The following NTRK2 variants were observed in gnomAD, a reference collection of about 807,000 sequenced individuals.
The protein encoded by NTRK2 is neurotrophic receptor tyrosine kinase 2, also known as BDNF/NT-3 growth factors receptor.
A neutral mutation model predicts 94.5 loss-of-function variants in NTRK2; 13 were observed. That is an observed-to-expected ratio of 0.14 (90% confidence interval 0.09 to 0.22). NTRK2 has a LOEUF of 0.22. Among genes scored for constraint, NTRK2 ranks in the 10% least tolerant of loss-of-function variants. The pLI is 1.00. For synonymous variants in NTRK2, 372 were observed against 407.4 expected, an observed-to-expected ratio of 0.91 and a Z score of 1.05; for missense variants, 639 against 1,071.2, an observed-to-expected ratio of 0.60 and a Z score of 5.63.
chr9:85,017,569 T>G (rs1832369596), intron 17 of NTRK2, among the ~76,000 whole-genome samples: 1 of 152,236 alleles, frequency 6.6e-6, no homozygotes, highest in Non-Finnish European at 1.5e-5. Flanking sequence ...TACATTCAAA[T>G]AGTTTAATTT....
chr9:84,747,386 A>T (rs946201441), intron 11 of NTRK2, among the ~76,000 whole-genome samples: 2 of 152,134 alleles, frequency 1.3e-5, no homozygotes, highest in Non-Finnish European at 2.9e-5. Context: ...TTCTTGGTGT[A>T]AGAAAGTTGT....
intron 17 of NTRK2, among the ~76,000 whole-genome samples, chr9:84,973,732 CAGCGTTCATCAGATCAG>C (rs1826461005): frequency 6.6e-6 from 1 of 152,176 alleles, no homozygotes. Flanking sequence ...GAAATGAGGA[CAGCGTTCATCAGATCAG>C]ATGATTTCTA....
chr9:84,794,535 C>T (rs1006436347), intron 12 of NTRK2, among the ~76,000 whole-genome samples: 6 of 152,140 alleles, frequency 3.9e-5, no homozygotes, highest in East Asian at 1.9e-4. Context: ...ATCATCTCAG[C>T]GGTTTTCTCA....
At chr9:84,886,547 G>GTCTT (rs1198209467) in intron 14 of NTRK2, among the ~76,000 whole-genome samples, 2 of 152,222 alleles carry the variant, frequency 1.3e-5, no homozygotes, top group African/African-American at 2.4e-5. Context: ...TTTCAGATGA[G>GTCTT]TCTTTGTCTT....
chr9:85,025,448 C>T lies in NTRK2; in HGVS notation c.*4011C>T, dbSNP rs2291505. 0.017 allele frequency: 4,065 copies of T among 233,148 alleles called. 76 individuals carry two copies. The highest frequency in any genetic ancestry group is 0.053 in the East Asian group (878 of 16,578). The allele number at this position is 233,148 out of a possible 1,614,324, so 14.4% of individuals were successfully genotyped here. A position where few individuals can be genotyped will look rare whatever the true frequency, so the allele number is the denominator to read the frequency against. ...TGATGAGCAGTCCAAGACCCCACAG[C>T]GAGATGAGCAACTCTTAGGAATTCC... On this transcript the variant is annotated 3_prime_UTR_variant, in exon 19 of 19. Coordinates refer to ENST00000277120, the MANE Select transcript of NTRK2 (RefSeq NM_006180.6).
At chr9:84,898,657 T>G (rs956375089) in intron 14 of NTRK2, among the ~76,000 whole-genome samples, 2 of 152,078 alleles carry the variant, frequency 1.3e-5, no homozygotes, top group African/African-American at 4.8e-5. Flanking sequence ...AAGCTGAACC[T>G]TGGGAAGACC....
chr9:84,868,261 A>G (rs900821293), intron 14 of NTRK2, among the ~76,000 whole-genome samples: 3 of 152,194 alleles, frequency 2.0e-5, no homozygotes, highest in Non-Finnish European at 4.4e-5. Context: ...GGTATCATGC[A>G]TGTTCCTATC....
intron 12 of NTRK2, among the ~76,000 whole-genome samples, chr9:84,838,273 C>A (rs2131746495): frequency 6.6e-6 from 1 of 151,884 alleles, no homozygotes; most frequent in South Asian, 2.1e-4. Context: ...GTTATGTGGA[C>A]AAGATTGTTA....
chr9:84,900,860 T>C (rs1587870943), intron 14 of NTRK2, among the ~76,000 whole-genome samples: 1 of 152,276 alleles, frequency 6.6e-6, no homozygotes, highest in East Asian at 1.9e-4. Context: ...GCTAAACCCA[T>C]CTATCAATTT....
intron 12 of NTRK2, among the ~76,000 whole-genome samples, chr9:84,843,966 A>G (rs2074327765): frequency 6.6e-6 from 1 of 152,200 alleles, no homozygotes; most frequent in Admixed American, 6.5e-5. Context: ...CAAGACATAG[A>G]GGCAAGACAC....
chr9:84,783,546 T>C (rs1054200613), intron 12 of NTRK2, among the ~76,000 whole-genome samples: 3 of 152,076 alleles, frequency 2.0e-5, no homozygotes, highest in Non-Finnish European at 2.9e-5. Flanking sequence ...GGAGGGAAAA[T>C]GTGAAGTCAG....
At chr9:84,682,296 G>A (rs575609123) in intron 2 of NTRK2, among the ~76,000 whole-genome samples, 1 of 152,266 alleles carries the variant, frequency 6.6e-6, no homozygotes, top group South Asian at 2.1e-4. Context: ...TCTCTGAAAT[G>A]CATTAACTTT....
intron 12 of NTRK2, among the ~76,000 whole-genome samples, chr9:84,816,009 T>G (rs943183106): frequency 1.7e-4 from 26 of 150,080 alleles, no homozygotes; most frequent in African/African-American, 6.1e-4. Context: ...AAAAAAAAAC[T>G]TATGCGAATT....
chr9:84,934,384 A>C, intron 15 of NTRK2, 92 bp downstream of exon 15: 1 of 1,376,952 alleles, frequency 7.3e-7, no homozygotes, highest in Non-Finnish European at 1.0e-6. Flanking sequence ...TGGCCAATGC[A>C]GGAGTAAATT....
At position 85,020,191 on chromosome 9, in the gene NTRK2, T is replaced by A. The variant is rs1332473987; in HGVS notation, c.2173-15T>A. The A allele has an allele frequency of 6.2e-7, 1 of 1,613,792 alleles. No homozygotes were observed. Among genetic ancestry groups the A allele is most frequent in the Admixed American group, 1.7e-5 (1 of 59,986 alleles). ...GGGGTGACTGATGCCTCCCTGTTGA[T>A]CCCTTTCTCCCCAGGTCGGTGGCCA... is the stretch of plus-strand genomic sequence containing the variant. On this transcript the variant is annotated splice_polypyrimidine_tract_variant and intron_variant, in intron 17 of 18. Coordinates refer to ENST00000277120, the MANE Select transcript of NTRK2 (RefSeq NM_006180.6).
intron 17 of NTRK2, among the ~76,000 whole-genome samples, chr9:84,960,835 ACAT>A (rs1462490383): frequency 6.6e-6 from 1 of 152,222 alleles, no homozygotes; most frequent in Non-Finnish European, 1.5e-5. Context: ...TAAGTCTTAC[ACAT>A]CTTTGTTTCT....
At chr9:84,734,546 C>A (rs1245744047) in intron 9 of NTRK2, among the ~76,000 whole-genome samples, 1 of 152,202 alleles carries the variant, frequency 6.6e-6, no homozygotes, top group African/African-American at 2.4e-5. Flanking sequence ...TGAATTGTAG[C>A]TCCCATGATT....
chr9:84,952,570 C>T (rs1463560635), intron 16 of NTRK2, among the ~76,000 whole-genome samples: 1 of 152,206 alleles, frequency 6.6e-6, no homozygotes, highest in African/African-American at 2.4e-5. Flanking sequence ...ACCGTTATTT[C>T]TGTTCCTCTT....
At position 85,026,247 on chromosome 9, in the gene NTRK2, G is replaced by T. The variant is rs750261900; in HGVS notation, c.*4810G>T. On this transcript the variant is annotated 3_prime_UTR_variant, in exon 19 of 19. Transcript: ENST00000277120. ...CATCTTAACATACATCTCAGGAGACGAAATGAGAAAAGATGGGGATGTCAT... is the reference window on the plus strand; with the variant it reads ...CATCTTAACATACATCTCAGGAGACTAAATGAGAAAAGATGGGGATGTCAT... 2.2e-5 allele frequency: 5 copies of T among 230,400 alleles called. No homozygotes were observed. Among genetic ancestry groups the T allele is most frequent in the Non-Finnish European group, 2.6e-5 (3 of 116,406 alleles). The allele number at this position is 230,400 out of a possible 1,614,324, so 14.3% of individuals were successfully genotyped here. A position where few individuals can be genotyped will look rare whatever the true frequency, so the allele number is the denominator to read the frequency against.
Sources: gnomAD v4.1 joint callset for allele counts (sites outside exome capture counted in the v4.1 genomes callset) on GRCh38, gnomAD v4.1.1 for gene constraint, MANE v1.5 for transcripts, NCBI Gene and HGNC (gene_info 2026-07-23, HGNC 2026-07-21) for gene names.